SPHKAP: variants seen among roughly 807,000 people sequenced by gnomAD.
SPHKAP encodes A-kinase anchor protein SPHKAP.
A neutral mutation model predicts 137.5 loss-of-function variants in SPHKAP; 67 were observed. That is an observed-to-expected ratio of 0.49 (90% CI 0.40 to 0.60). The LOEUF is 0.60. Among genes scored for constraint, SPHKAP ranks in the 20% least tolerant of loss-of-function variants. The pLI, the probability that SPHKAP is intolerant of heterozygous loss-of-function variation, is 0.00. For synonymous variants in SPHKAP, 813 were observed against 785.3 expected (o/e 1.04, Z -0.59); for missense variants, 2,097 against 2,069.3 (o/e 1.01, Z -0.26).
At chr2:228,122,125 G>A (rs571420430) in intron 2 of SPHKAP, among the ~76,000 whole-genome samples, 1 of 152,124 alleles carries the variant, frequency 6.6e-6, no homozygotes, top group Non-Finnish European at 1.5e-5. Flanking sequence ...AACTTGTTGT[G>A]TTTCTGGACA....
chr2:228,099,219 C>T (rs778350352), intron 3 of SPHKAP, among the ~76,000 whole-genome samples: 18 of 152,038 alleles, frequency 1.2e-4, no homozygotes, highest in Non-Finnish European at 1.9e-4. Flanking sequence ...TATGGTAAAA[C>T]GTAGGGGTCT....
At chr2:228,091,161 AAC>A (rs990637671) in intron 3 of SPHKAP, among the ~76,000 whole-genome samples, 24 of 152,328 alleles carry the variant, frequency 1.6e-4, no homozygotes, top group African/African-American at 5.5e-4. Context: ...AAAGGATAAA[AAC>A]AGATTAAAAA....
chr2:228,165,940 G>A (rs1194200249), intron 1 of SPHKAP, among the ~76,000 whole-genome samples: 2 of 152,254 alleles, frequency 1.3e-5, no homozygotes, highest in Non-Finnish European at 2.9e-5. Context: ...AACTGGAATG[G>A]CAAACTTTGA....
intron 3 of SPHKAP, among the ~76,000 whole-genome samples, chr2:228,052,196 A>T (rs1354882763): frequency 1.3e-5 from 2 of 152,154 alleles, no homozygotes; most frequent in African/African-American, 4.8e-5. Flanking sequence ...AAAAGAAAAA[A>T]AAAAGAGGAA....
chr2:228,041,456 C>A (rs1265502243), intron 3 of SPHKAP, among the ~76,000 whole-genome samples: 1 of 151,940 alleles, frequency 6.6e-6, no homozygotes, highest in African/African-American at 2.4e-5. Context: ...ACCAGCCTGG[C>A]CAACATGGCG....
chr2:228,153,150 A>G (rs1448775259), intron 1 of SPHKAP, among the ~76,000 whole-genome samples: 1 of 152,018 alleles, frequency 6.6e-6, no homozygotes, highest in East Asian at 1.9e-4. Context: ...CTTTTTCTTT[A>G]TAAATTACCC....
At chr2:227,987,715 G>T (rs182374888) in intron 11 of SPHKAP, among the ~76,000 whole-genome samples, 10 of 152,254 alleles carry the variant, frequency 6.6e-5, no homozygotes, top group Non-Finnish European at 1.2e-4. Flanking sequence ...CAACTCCAAG[G>T]CCAAGTTCCT....
At chr2:228,066,586 C>G (rs915499964) in intron 3 of SPHKAP, among the ~76,000 whole-genome samples, 1 of 152,190 alleles carries the variant, frequency 6.6e-6, no homozygotes, top group Non-Finnish European at 1.5e-5. Context: ...AGAGAGAACA[C>G]CCAGAGTCCC....
At chr2:228,066,400 T>C (rs980385188) in intron 3 of SPHKAP, among the ~76,000 whole-genome samples, 1 of 152,176 alleles carries the variant, frequency 6.6e-6, no homozygotes, top group African/African-American at 2.4e-5. Flanking sequence ...CCTTCCAGCC[T>C]TGTCTCTCTC....
rs1449696384 is a variant in SPHKAP, at chr2:228,073,442, G to GTGTT, written c.246+35386_246+35389dup. On this transcript the variant is annotated intron_variant, in intron 3 of 11. Coordinates refer to ENST00000392056, the MANE Select transcript of SPHKAP (RefSeq NM_001142644.2). The stretch of plus-strand genomic sequence containing the variant: ...TATACGGATATGTGCAAGTATGTGG[G>GTGTT]TGTTAGGTAGGGGATAGAAGATGGA... Among the ~76,000 whole-genome samples the GTGTT allele has an allele frequency of 5.9e-5, 9 of 152,300 alleles. No individual in the cohort carries two copies. The East Asian group carries it at 1.7e-3, about 29-fold the overall frequency.
chr2:227,990,835 T>TA, intron 11 of SPHKAP, 165 bp downstream of exon 11: 1 of 701,590 alleles, frequency 1.4e-6, no homozygotes, highest in Non-Finnish European at 2.3e-6. Context: ...AAGTATATTA[T>TA]ATTTACACAG....
chr2:228,178,484 C>G (rs189234202), intron 1 of SPHKAP, among the ~76,000 whole-genome samples: 69 of 152,230 alleles, frequency 4.5e-4, no homozygotes, highest in African/African-American at 1.5e-3. Context: ...TAAGTGGAAA[C>G]TACTGCATTG....
chr2:227,995,771 T>C (rs1042349439), intron 7 of SPHKAP, 77 bp from the exon 8 acceptor site: 3 of 1,418,776 alleles, frequency 2.1e-6, no homozygotes, highest in African/African-American at 2.9e-5. Flanking sequence ...AGCCACTTTG[T>C]AGAGTCCCAA....
chr2:228,077,267 A>T (rs1697216109), intron 3 of SPHKAP, among the ~76,000 whole-genome samples: 1 of 152,146 alleles, frequency 6.6e-6, no homozygotes, highest in Non-Finnish European at 1.5e-5. Flanking sequence ...CTGGGGCACC[A>T]CCTAGTGGAG....
chr2:228,071,484 CT>C (rs1480287717), intron 3 of SPHKAP, among the ~76,000 whole-genome samples: 1 of 152,194 alleles, frequency 6.6e-6, no homozygotes, highest in Non-Finnish European at 1.5e-5. Flanking sequence ...AGTTCTCCGG[CT>C]TTACACTCTT....
intron 1 of SPHKAP, among the ~76,000 whole-genome samples, chr2:228,155,796 A>T (rs1265436304): frequency 6.6e-6 from 1 of 152,246 alleles, no homozygotes; most frequent in African/African-American, 2.4e-5. Flanking sequence ...AGTGCTATAC[A>T]TATATCTTTG....
At chr2:227,994,237 A>G (rs1005455140) in intron 8 of SPHKAP, 3 of 194,740 alleles carry the variant, frequency 1.5e-5, no homozygotes, top group South Asian at 1.8e-4. Context: ...TTCAAGAAAG[A>G]GCAACACCTG....
intron 3 of SPHKAP, among the ~76,000 whole-genome samples, chr2:228,045,169 C>A (rs1224284007): frequency 6.6e-6 from 1 of 151,352 alleles, no homozygotes; most frequent in African/African-American, 2.4e-5. Context: ...ACTAGTTCAA[C>A]CATTGTGGAA....
intron 3 of SPHKAP, among the ~76,000 whole-genome samples, chr2:228,104,253 A>ATATATATCATTATATTATATAT (rs1698265801): frequency 1.5e-5 from 2 of 130,568 alleles, no homozygotes; most frequent in Non-Finnish European, 3.2e-5. Flanking sequence ...ATTATATATT[A>ATATATATCATTATATTATATAT]TATATATCAT....
Sources: gnomAD v4.1 joint callset for allele counts (sites outside exome capture counted in the v4.1 genomes callset) on GRCh38, gnomAD v4.1.1 for gene constraint, MANE v1.5 for transcripts, NCBI Gene and HGNC (gene_info 2026-07-23, HGNC 2026-07-21) for gene names.